Variants in EDARADD observed in about 807,000 individuals in gnomAD.
The protein encoded by EDARADD is EDAR associated via death domain, also known as ectodysplasin-A receptor-associated adapter protein.
In EDARADD, 20 loss-of-function variants were observed where a neutral mutation model predicts 25.6. That is an observed-to-expected ratio of 0.78 (90% CI 0.55 to 1.14). EDARADD has a LOEUF of 1.14. Among genes scored for constraint, EDARADD ranks in the 50% most tolerant of loss-of-function variants. The pLI is 0.00. For synonymous variants in EDARADD, 86 were observed against 94.4 expected, an observed-to-expected ratio of 0.91 and a Z score of 0.52; for missense variants, 225 against 270.1, an observed-to-expected ratio of 0.83 and a Z score of 1.17.
intron 3 of EDARADD, among the ~76,000 whole-genome samples, chr1:236,355,974 A>T (rs536242095): frequency 3.6e-4 from 55 of 152,262 alleles, no homozygotes; most frequent in Middle Eastern, 6.8e-3. Flanking sequence ...ACAGGCAAAA[A>T]ATATATATGT....
intron 3 of EDARADD, among the ~76,000 whole-genome samples, chr1:236,362,282 G>A (rs1324176587): frequency 6.6e-6 from 1 of 152,138 alleles, no homozygotes. Flanking sequence ...GCTTTAATTT[G>A]CATGTATGGA....
At chr1:236,482,202 G>A in intron 5 of EDARADD, 65 bp from the exon 6 acceptor site, 2 of 1,577,746 alleles carry the variant, frequency 1.3e-6, no homozygotes, top group South Asian at 2.2e-5. Context: ...AATAAAGGAT[G>A]TAAGAAATGA....
intron 5 of EDARADD, among the ~76,000 whole-genome samples, chr1:236,471,831 C>T (rs1485538134): frequency 6.6e-6 from 1 of 152,148 alleles, no homozygotes; most frequent in Non-Finnish European, 1.5e-5. Flanking sequence ...TGCAGGGAGG[C>T]ACATTAAGTC....
At chr1:236,477,329 C>A (rs1187629092) in intron 5 of EDARADD, among the ~76,000 whole-genome samples, 4 of 151,886 alleles carry the variant, frequency 2.6e-5, no homozygotes, top group African/African-American at 9.7e-5. Context: ...TCCTGGCTAA[C>A]AGAGTGAAAC....
At chr1:236,471,901 A>AC (rs2103037354) in intron 5 of EDARADD, among the ~76,000 whole-genome samples, 1 of 152,254 alleles carries the variant, frequency 6.6e-6, no homozygotes, top group East Asian at 1.9e-4. Flanking sequence ...ACTAATCATG[A>AC]CGTTTGTGAA....
At chr1:236,450,055 T>G (rs1258853876) in intron 4 of EDARADD, among the ~76,000 whole-genome samples, 1 of 151,626 alleles carries the variant, frequency 6.6e-6, no homozygotes, top group Non-Finnish European at 1.5e-5. Context: ...GAGCCGAGAT[T>G]ACACCACTGC....
chr1:236,454,324 A>C (rs534387637), intron 4 of EDARADD, among the ~76,000 whole-genome samples: 101 of 152,334 alleles, frequency 6.6e-4, no homozygotes, highest in Non-Finnish European at 1.1e-3. Flanking sequence ...CTGGGATTAC[A>C]GGCGTGAGCC....
At chr1:236,416,332 C>G (rs1470678882) in intron 3 of EDARADD, among the ~76,000 whole-genome samples, 3 of 152,192 alleles carry the variant, frequency 2.0e-5, no homozygotes, top group South Asian at 2.1e-4. Flanking sequence ...TAAAATCAAG[C>G]CTTCAGTCAG....
intron 5 of EDARADD, among the ~76,000 whole-genome samples, chr1:236,471,213 G>T (rs1020643011): frequency 6.6e-6 from 1 of 152,148 alleles, no homozygotes; most frequent in South Asian, 2.1e-4. Flanking sequence ...TCCTTAAAAG[G>T]ATGCTTTAGA....
intron 3 of EDARADD, among the ~76,000 whole-genome samples, chr1:236,421,262 C>T (rs930551976): frequency 6.8e-5 from 10 of 146,848 alleles, no homozygotes; most frequent in African/African-American, 2.0e-4. Flanking sequence ...GGCTGTCAGA[C>T]AGGCTTTATG....
chr1:236,411,045 G>T (rs1364972068), intron 2 of EDARADD, among the ~76,000 whole-genome samples: 1 of 152,040 alleles, frequency 6.6e-6, no homozygotes, highest in Non-Finnish European at 1.5e-5. Flanking sequence ...CCTTCCCACT[G>T]CCCCCACCTG....
chr1:236,414,199 T>C lies in EDARADD; in HGVS notation c.121-61T>C, dbSNP rs184059295. ...ATAACTTTCCCAAGACAAAGCTTTCTTTTCACTTTGATCTTACATGGCATT... is the reference window on the plus strand; with the variant it reads ...ATAACTTTCCCAAGACAAAGCTTTCCTTTCACTTTGATCTTACATGGCATT... On this transcript the variant is annotated intron_variant, in intron 2 of 5. Transcript: ENST00000334232. 9.9e-3 allele frequency: 14,254 copies of C among 1,435,312 alleles called. 99 individuals carry two copies. Among genetic ancestry groups the C allele is most frequent in the Non-Finnish European group, 0.012 (12,055 of 1,018,668 alleles). The allele number at this position is 1,435,312 out of a possible 1,614,324, so 88.9% of individuals were successfully genotyped here. A position where few individuals can be genotyped will look rare whatever the true frequency, so the allele number is the denominator to read the frequency against.
chr1:236,360,545 T>G (rs141869357), intron 3 of EDARADD, among the ~76,000 whole-genome samples: 1 of 139,070 alleles, frequency 7.2e-6, no homozygotes, highest in African/African-American at 2.7e-5. Flanking sequence ...CGGTTTTTTT[T>G]TTTTTTTTTT....
intron 4 of EDARADD, among the ~76,000 whole-genome samples, chr1:236,463,817 C>T (rs1659106346): frequency 2.0e-5 from 3 of 152,294 alleles, no homozygotes; most frequent in Admixed American, 6.5e-5. Flanking sequence ...GATTTGCCCC[C>T]GTTTTTCTCC....
intron 3 of EDARADD, among the ~76,000 whole-genome samples, chr1:236,376,084 A>G (rs535579665): frequency 1.3e-5 from 2 of 151,680 alleles, no homozygotes; most frequent in East Asian, 2.0e-4. Flanking sequence ...ACAGGCATGC[A>G]CCACCATGCC....
chr1:236,402,634 C>T (rs1239962891), intron 1 of EDARADD, among the ~76,000 whole-genome samples: 1 of 151,780 alleles, frequency 6.6e-6, no homozygotes, highest in Admixed American at 6.6e-5. Flanking sequence ...TGTTCTCAAA[C>T]ATCCTGAACT....
At chr1:236,366,741 C>CTCTTTTTTTTTTTTTTTTT (rs146073425) in intron 3 of EDARADD, among the ~76,000 whole-genome samples, 17 of 144,274 alleles carry the variant, frequency 1.2e-4, no homozygotes, top group Admixed American at 4.2e-4. Context: ...TCATCTCTCT[C>CTCTTTTTTTTTTTTTTTTT]TTTTTTTTGT....
At position 236,482,405 on chromosome 1, in the gene EDARADD, C is replaced by T. The variant is rs769122607; in HGVS notation, c.404C>T (p.Thr135Met). 6.8e-6 allele frequency: 11 copies of T among 1,614,030 alleles called. No individual in the cohort carries two copies. The highest frequency in any genetic ancestry group is 2.2e-5 in the East Asian group (1 of 44,894). ...ATAAAGCTGGATCCGTGTCACCCAACGGTGAAAAACTGGAGGAATTTTGCA... is the reference window on the plus strand; with the variant it reads ...ATAAAGCTGGATCCGTGTCACCCAATGGTGAAAAACTGGAGGAATTTTGCA... ...IRIKLDPCHP[T>M]VKNWRNFASK... The change falls in exon 6 of 6, where the codon ACG becomes ATG. Residue 135 changes from threonine (T) to methionine (M), a missense_variant. Thr to Met is a moderately conservative substitution (Grantham distance 81, BLOSUM62 -1). Coordinates refer to ENST00000334232, the MANE Select transcript of EDARADD (RefSeq NM_145861.4).
At position 236,482,810 on chromosome 1, in the gene EDARADD, T is replaced by C. The variant is rs969493258; in HGVS notation, c.*161T>C. 1 of 886,862 alleles carries C rather than the reference T, an allele frequency of 1.1e-6. No individual in the cohort carries two copies. The highest frequency in any genetic ancestry group is 2.4e-5 in the Admixed American group (1 of 42,044). The allele number at this position is 886,862 out of a possible 1,614,324, so 54.9% of individuals were successfully genotyped here. On this transcript the variant is annotated 3_prime_UTR_variant, in exon 6 of 6. Transcript: ENST00000334232. Reference sequence around the variant, plus strand: ...CAGTTTTGTGGAGGGGTAGCTTGTTTCGGTGGTGGATCTCTGTTTATTTTT... The same window carrying C: ...CAGTTTTGTGGAGGGGTAGCTTGTTCCGGTGGTGGATCTCTGTTTATTTTT...
Sources: allele counts gnomAD v4.1 joint callset (sites outside exome capture counted in the v4.1 genomes callset), GRCh38; gene constraint gnomAD v4.1.1; transcripts MANE v1.5; gene names NCBI Gene and HGNC (gene_info 2026-07-23, HGNC 2026-07-21).